Variants in ADCYAP1R1 observed in about 807,000 individuals in gnomAD.
ADCYAP1R1 encodes the protein ADCYAP receptor type I, also known as pituitary adenylate cyclase-activating polypeptide type I receptor.
Under a neutral mutation model 67.6 loss-of-function variants are expected in ADCYAP1R1, and 44 were observed. That is an observed-to-expected ratio of 0.65 (90% CI 0.51 to 0.84). ADCYAP1R1 has a LOEUF of 0.84. ADCYAP1R1 is among the 40% of genes least tolerant of loss of function. The pLI, the probability that ADCYAP1R1 is intolerant of heterozygous loss-of-function variation, is 0.00. For missense variants in ADCYAP1R1, 477 were observed against 587.9 expected (o/e 0.81, Z 1.95); for synonymous variants, 222 against 219.6 (o/e 1.01, Z -0.10).
At chr7:31,104,815 C>T in intron 14 of ADCYAP1R1, 53 bp from the exon 15 acceptor site, 3 of 1,598,300 alleles carry the variant, frequency 1.9e-6, no homozygotes, top group Non-Finnish European at 2.6e-6. Context: ...CCCCACACAG[C>T]ATTTCAGAAA....
chr7:31,086,833 A>G lies in ADCYAP1R1; in HGVS notation c.824-110A>G. The G allele has an allele frequency of 1.7e-6, 2 of 1,204,828 alleles. No homozygotes were observed. Among genetic ancestry groups the G allele is most frequent in the Non-Finnish European group, 1.2e-6 (1 of 815,080 alleles). The allele number at this position is 1,204,828 out of a possible 1,614,324, so 74.6% of individuals were successfully genotyped here. On this transcript the variant is annotated intron_variant, in intron 10 of 15. Transcript: ENST00000304166. The surrounding 1 kb of genome is among the most constrained non-coding windows in gnomAD (Gnocchi z 5.0). ...TGAGGGACAGTTAGAATTCCCAGGA[A>G]TTCCAAGTCTCATGGGGGAGCAATA...
rs1796769871 is a variant in ADCYAP1R1 at position 31,109,363 on chromosome 7, A to G, written c.*2679A>G. 3 of 152,216 alleles carry G rather than the reference A, an allele frequency of 2.0e-5. No individual in the cohort carries two copies. In the South Asian group the frequency reaches 6.2e-4, roughly 32 times the overall value. 9.4% of individuals were successfully genotyped at this position (152,216 alleles called of 1,614,324 possible). On this transcript the variant is annotated 3_prime_UTR_variant, in exon 16 of 16. Transcript: ENST00000304166. ...GACCCTCTGTTTTCAAATCTGTAAA[A>G]TGGGCAATAAGACTAGATGATTTGT... is the stretch of plus-strand genomic sequence containing the variant.
intron 3 of ADCYAP1R1, among the ~76,000 whole-genome samples, chr7:31,075,156 G>C (rs1418170091): frequency 2.6e-5 from 4 of 152,134 alleles, no homozygotes; most frequent in Admixed American, 2.6e-4. Context: ...TCACCTTGCA[G>C]GTCCCTGCTT....
At chr7:31,081,685 G>C in intron 5 of ADCYAP1R1, 28 bp from the exon 6 acceptor site, 1 of 1,570,476 alleles carries the variant, frequency 6.4e-7, no homozygotes, top group Non-Finnish European at 8.7e-7. Flanking sequence ...CAGGCATTTT[G>C]ATATATGCCT....
intron 3 of ADCYAP1R1, among the ~76,000 whole-genome samples, chr7:31,067,643 G>C (rs1042436176): frequency 1.3e-5 from 2 of 152,162 alleles, no homozygotes; most frequent in Non-Finnish European, 2.9e-5. Context: ...CAACTGCTGG[G>C]ATGCACCACC....
chr7:31,098,410 G>T (rs531594380), intron 13 of ADCYAP1R1, among the ~76,000 whole-genome samples: 1 of 152,140 alleles, frequency 6.6e-6, no homozygotes, highest in African/African-American at 2.4e-5. Context: ...TCCTAATGGC[G>T]CTTCTCAAGC....
At chr7:31,089,030 T>C (rs1001063799) in intron 12 of ADCYAP1R1, among the ~76,000 whole-genome samples, 1 of 152,176 alleles carries the variant, frequency 6.6e-6, no homozygotes, top group African/African-American at 2.4e-5. Flanking sequence ...TATAGAGTCA[T>C]TTTGGTTAAG....
chr7:31,078,186 A>T (rs1166702616), intron 4 of ADCYAP1R1, 88 bp downstream of exon 4: 4 of 1,022,712 alleles, frequency 3.9e-6, no homozygotes, highest in African/African-American at 1.6e-5. Flanking sequence ...CAGGGAGGCC[A>T]CCCTGTGGGC....
intron 8 of ADCYAP1R1, 136 bp from the exon 9 acceptor site, chr7:31,085,174 G>C: frequency 8.3e-7 from 1 of 1,206,450 alleles, no homozygotes; most frequent in Non-Finnish European, 1.2e-6. Context: ...TTAGAGAGGT[G>C]GCAGGAAGGA....
chr7:31,078,223 T>A (rs1365028056), intron 4 of ADCYAP1R1, 125 bp downstream of exon 4: 9 of 678,394 alleles, frequency 1.3e-5, no homozygotes, highest in Non-Finnish European at 2.0e-5. Context: ...TGAGCTCACA[T>A]GTGGTGTGGG....
chr7:31,061,580 G>A (rs1281676190), intron 1 of ADCYAP1R1, among the ~76,000 whole-genome samples: 1 of 152,214 alleles, frequency 6.6e-6, no homozygotes, highest in Non-Finnish European at 1.5e-5. Context: ...TGTTGCCATG[G>A]CTCCCAGGCT....
At chr7:31,072,757 T>TA (rs2128622073) in intron 3 of ADCYAP1R1, among the ~76,000 whole-genome samples, 1 of 152,342 alleles carries the variant, frequency 6.6e-6, no homozygotes, top group East Asian at 1.9e-4. Flanking sequence ...TGTAATATGT[T>TA]ACTTTACATA....
At chr7:31,096,983 C>G (rs1005199358) in intron 13 of ADCYAP1R1, among the ~76,000 whole-genome samples, 1 of 152,234 alleles carries the variant, frequency 6.6e-6, no homozygotes. Context: ...GTAGCCCAAC[C>G]AACCCTGCAC....
intron 1 of ADCYAP1R1, among the ~76,000 whole-genome samples, chr7:31,055,381 T>C (rs1312525037): frequency 1.3e-5 from 2 of 152,012 alleles, no homozygotes; most frequent in Non-Finnish European, 2.9e-5. Flanking sequence ...TGCATAAGCC[T>C]AGAACAAGGG....
At position 31,106,915 on chromosome 7, in the gene ADCYAP1R1, ACTC is replaced by A. The variant is rs1026589235; in HGVS notation, c.*235_*237del. The A allele has an allele frequency of 6.9e-5, 35 of 505,736 alleles. No homozygotes were observed. Among genetic ancestry groups the A allele is most frequent in the African/African-American group, 6.2e-4 (31 of 50,076 alleles). 31.3% of individuals were successfully genotyped at this position (505,736 alleles called of 1,614,324 possible). A position where few individuals can be genotyped will look rare whatever the true frequency, so the allele number is the denominator to read the frequency against. Reference sequence around the variant, plus strand: ...GGGCCCTGACCCCAGACATGTAAATACTCCTCAAATTTGGAAAAGTTGTCCCAT... The same window carrying A: ...GGGCCCTGACCCCAGACATGTAAATACTCAAATTTGGAAAAGTTGTCCCAT... On this transcript the variant is annotated 3_prime_UTR_variant, in exon 16 of 16. Coordinates refer to ENST00000304166, the MANE Select transcript of ADCYAP1R1 (RefSeq NM_001118.5).
intron 13 of ADCYAP1R1, chr7:31,100,260 G>T: frequency 1.3e-6 from 2 of 1,518,274 alleles, no homozygotes; most frequent in African/African-American, 1.4e-5. Context: ...AGGGGTGGGG[G>T]ACGCATGCTG....
At position 31,103,505 on chromosome 7, in the gene ADCYAP1R1, T is replaced by C. The variant is rs986981063; in HGVS notation, c.1176+139T>C. 5 of 1,223,440 alleles carry C rather than the reference T, an allele frequency of 4.1e-6. No individual in the cohort carries two copies. The African/African-American group carries it at 7.6e-5, about 19-fold the overall frequency. The allele number at this position is 1,223,440 out of a possible 1,614,324, so 75.8% of individuals were successfully genotyped here. The stretch of plus-strand genomic sequence containing the variant: ...GAGGTGATGAGGGAGCCCTGTCTGC[T>C]GTCTACCCTTAGGGCTCCTGTAAGA... On this transcript the variant is annotated intron_variant, in intron 14 of 15. Transcript: ENST00000304166.
In ADCYAP1R1 at chr7:31,110,248, A is replaced by G. The variant is rs1431135393; in HGVS notation, c.*3564A>G. On this transcript the variant is annotated 3_prime_UTR_variant, in exon 16 of 16. Coordinates refer to ENST00000304166, the MANE Select transcript of ADCYAP1R1 (RefSeq NM_001118.5). Reference sequence around the variant, plus strand: ...TTTAGTATTATCATAAAGTATTAATACTTTGTCATAAAGTCCTCCTTGAGC... The same window carrying G: ...TTTAGTATTATCATAAAGTATTAATGCTTTGTCATAAAGTCCTCCTTGAGC... The G allele has an allele frequency of 1.3e-5, 2 of 151,664 alleles. No individual in the cohort carries two copies. Among genetic ancestry groups the G allele is most frequent in the African/African-American group, 4.8e-5 (2 of 41,242 alleles). The allele number at this position is 151,664 out of a possible 1,614,324, so 9.4% of individuals were successfully genotyped here. A position where few individuals can be genotyped will look rare whatever the true frequency, so the allele number is the denominator to read the frequency against.
intron 3 of ADCYAP1R1, among the ~76,000 whole-genome samples, chr7:31,065,992 C>T (rs1423644760): frequency 2.6e-5 from 4 of 152,342 alleles, no homozygotes; most frequent in East Asian, 3.9e-4. Context: ...TGGACCGTGC[C>T]GGCCTTTGCC....
Sources: allele counts gnomAD v4.1 joint callset (sites outside exome capture counted in the v4.1 genomes callset), GRCh38; gene constraint gnomAD v4.1.1; non-coding constraint Gnocchi (gnomAD v3.1); transcripts MANE v1.5; gene names NCBI Gene and HGNC (gene_info 2026-07-23, HGNC 2026-07-21).